Variants in C1orf198 observed in about 807,000 individuals in gnomAD.
C1orf198 encodes the protein uncharacterized protein C1orf198.
C1orf198 carries 17 observed loss-of-function variants against 31.4 expected under a neutral mutation model. The observed-to-expected ratio is 0.54, with a 90% CI of 0.37 to 0.81. The LOEUF (loss-of-function observed/expected upper bound fraction) is 0.81. Ranked by LOEUF, C1orf198 falls within the 40% of genes least tolerant of loss-of-function variation. The pLI is 0.00. For missense variants in C1orf198, 401 were observed against 450.3 expected, an observed-to-expected ratio of 0.89 and a Z score of 0.99; for synonymous variants, 175 against 193.8, an observed-to-expected ratio of 0.90 and a Z score of 0.81.
intron 1 of C1orf198, 78 bp downstream of exon 1, chr1:230,868,102 G>A: frequency 8.0e-7 from 1 of 1,256,804 alleles, no homozygotes; most frequent in African/African-American, 1.6e-5. Context: ...GCGGCCTCAC[G>A]CCGGCAGGTG....
chr1:230,853,700 C>A (rs1341784781), intron 2 of C1orf198, among the ~76,000 whole-genome samples: 1 of 152,168 alleles, frequency 6.6e-6, no homozygotes, highest in Admixed American at 6.5e-5. Context: ...AATGAAACTG[C>A]CAACTCTGAG....
intron 1 of C1orf198, among the ~76,000 whole-genome samples, chr1:230,864,512 A>T (rs1670069619): frequency 6.6e-6 from 1 of 152,198 alleles, no homozygotes; most frequent in South Asian, 2.1e-4. Context: ...AAGGCACTGG[A>T]GGGACACGGC....
chr1:230,841,061 G>T (rs1669426110), intron 3 of C1orf198, among the ~76,000 whole-genome samples: 1 of 152,208 alleles, frequency 6.6e-6, no homozygotes, highest in Non-Finnish European at 1.5e-5. Flanking sequence ...CTATTTTATG[G>T]AAATACTTCT....
intron 1 of C1orf198, among the ~76,000 whole-genome samples, chr1:230,858,150 A>C (rs1210341858): frequency 6.6e-6 from 1 of 152,198 alleles, no homozygotes; most frequent in Non-Finnish European, 1.5e-5. Context: ...GATGTCTCCT[A>C]GCAGAGGCAG....
At chr1:230,862,868 C>T (rs1210862787) in intron 1 of C1orf198, among the ~76,000 whole-genome samples, 2 of 152,120 alleles carry the variant, frequency 1.3e-5, no homozygotes, top group East Asian at 1.9e-4. Flanking sequence ...TGGGTGGTAA[C>T]GACGTGTCCA....
In C1orf198 at chr1:230,843,682, C is replaced by T; in HGVS notation, c.599G>A (p.Gly200Glu). The T allele has an allele frequency of 1.2e-6, 2 of 1,614,136 alleles. No individual in the cohort carries two copies. The highest frequency in any genetic ancestry group is 1.1e-5 in the South Asian group (1 of 91,084). Residue 200 changes from glycine (G) to glutamate (E), a missense_variant, in exon 3 of 4, where the codon GGG becomes GAG. Gly to Glu is a moderately conservative substitution (Grantham distance 98). Transcript: ENST00000366663. This position sits in a 1 kb window ranked among gnomAD's most constrained non-coding sequence, Gnocchi z 4.9. Reference protein sequence around the residue: ...FWKINAERSRGEGPEAEFQSL... With the variant: ...FWKINAERSREEGPEAEFQSL... ...CTGGAACTCGGCCTCAGGCCCCTCC[C>T]CTCGGGACCGCTCAGCATTGATCTT...
Position 230,843,419 on chromosome 1 carries a change from G to A in C1orf198, c.862C>T (p.Pro288Ser), listed in dbSNP as rs370439547. The change falls in exon 3 of 4, where the codon CCA becomes TCA. Residue 288 changes from proline (P) to serine (S), a missense_variant. Coordinates refer to ENST00000366663, the MANE Select transcript of C1orf198 (RefSeq NM_032800.3). This position sits in a 1 kb window ranked among gnomAD's most constrained non-coding sequence, Gnocchi z 4.9. ...AAPSQLEGKL[P>S]SPDVRQDDGE... ...TCGTCCTGCCTGACATCAGGAGATGGCAGCTTCCCCTCGAGCTGGGAGGGG... is the reference window on the plus strand; with the variant it reads ...TCGTCCTGCCTGACATCAGGAGATGACAGCTTCCCCTCGAGCTGGGAGGGG... 1.9e-6 allele frequency: 3 copies of A among 1,577,930 alleles called. No individual in the cohort carries two copies. The highest frequency in any genetic ancestry group is 1.4e-5 in the African/African-American group (1 of 73,960).
chr1:230,868,502 A>T lies in C1orf198; in HGVS notation c.11T>A (p.Met4Lys), dbSNP rs1408952796. Residue 4 changes from methionine to lysine, a missense_variant, in exon 1 of 4, where the codon ATG becomes AAG. Met to Lys is a moderately conservative substitution (Grantham distance 95). Coordinates refer to ENST00000366663, the MANE Select transcript of C1orf198 (RefSeq NM_032800.3). The stretch of plus-strand genomic sequence containing the variant: ...GCGCGAAGCCGCGATCGCCGCCGCC[A>T]TGGACGCCATGCCCGGCCTGCCCGC... MASMAAAIAASRSA... is the reference protein window; with the variant it reads MASKAAAIAASRSA... 1.4e-6 allele frequency: 2 copies of T among 1,446,318 alleles called. No homozygotes were observed. Among genetic ancestry groups the T allele is most frequent in the Non-Finnish European group, 1.8e-6 (2 of 1,088,614 alleles). 89.6% of individuals were successfully genotyped at this position (1,446,318 alleles called of 1,614,324 possible).
Position 230,840,470 on chromosome 1 carries a change from G to A in C1orf198, c.928-562C>T, listed in dbSNP as rs1669411553. ...TCCTCTTGCCTCGGCCTCCCACGTA[G>A]CTGGGACTACAGGCATGCACCAGGC... is the stretch of plus-strand genomic sequence containing the variant. On this transcript the variant is annotated intron_variant, in intron 3 of 3. Coordinates refer to ENST00000366663, the MANE Select transcript of C1orf198 (RefSeq NM_032800.3). The surrounding 1 kb of genome is among the most constrained non-coding windows in gnomAD (Gnocchi z 4.0). Among the ~76,000 whole-genome samples the A allele has an allele frequency of 6.6e-6, 1 of 152,216 alleles. No homozygotes were observed. The highest frequency in any genetic ancestry group is 6.5e-5 in the Admixed American group (1 of 15,286).
rs1669340436 is a variant in C1orf198, at chr1:230,837,831, C to G, written c.*2021G>C. 6.6e-6 allele frequency: 1 copy of G among 152,206 alleles called. No homozygotes were observed. Among genetic ancestry groups the G allele is most frequent in the Non-Finnish European group, 1.5e-5 (1 of 68,038 alleles). The allele number at this position is 152,206 out of a possible 1,614,324, so 9.4% of individuals were successfully genotyped here. A position where few individuals can be genotyped will look rare whatever the true frequency, so the allele number is the denominator to read the frequency against. ...GCTGGGTGCTGGGCCCCAGACGATA[C>G]TAAGTGAGGCAGAAGCTTTCAATAA... On this transcript the variant is annotated 3_prime_UTR_variant, in exon 4 of 4. Transcript: ENST00000366663.
chr1:230,864,500 T>C (rs569384951), intron 1 of C1orf198, among the ~76,000 whole-genome samples: 1 of 152,248 alleles, frequency 6.6e-6, no homozygotes, highest in South Asian at 2.1e-4. Context: ...GGAGCAGAGA[T>C]GAAGGCACTG....
intron 2 of C1orf198, among the ~76,000 whole-genome samples, chr1:230,854,371 A>T (rs1669818107): frequency 1.3e-5 from 2 of 152,190 alleles, no homozygotes; most frequent in South Asian, 4.1e-4. Flanking sequence ...CAATGTAATG[A>T]TGCACTTTTT....
intron 2 of C1orf198, among the ~76,000 whole-genome samples, chr1:230,844,555 C>A (rs1278882247): frequency 6.6e-6 from 1 of 152,210 alleles, no homozygotes; most frequent in Non-Finnish European, 1.5e-5. Flanking sequence ...CCCTCATGCA[C>A]TATGCTACAT....
intron 2 of C1orf198, among the ~76,000 whole-genome samples, chr1:230,848,648 G>A (rs955042704): frequency 6.6e-6 from 1 of 152,082 alleles, no homozygotes; most frequent in Admixed American, 6.5e-5. Context: ...AATATCACAT[G>A]TACCCTATCA....
At position 230,843,175 on chromosome 1, in the gene C1orf198, T is replaced by C. The variant is rs957040553; in HGVS notation, c.927+179A>G. 2.6e-5 allele frequency among the ~76,000 whole-genome samples: 4 copies of C among 152,096 alleles called. No individual in the cohort carries two copies. Among genetic ancestry groups the C allele is most frequent in the Admixed American group, 1.3e-4 (2 of 15,272 alleles). On this transcript the variant is annotated intron_variant, in intron 3 of 3. Coordinates refer to ENST00000366663, the MANE Select transcript of C1orf198 (RefSeq NM_032800.3). The surrounding 1 kb of genome is among the most constrained non-coding windows in gnomAD (Gnocchi z 4.9). ...AGATGGACTCGCAAAACTTGTCTTGTTGCATATTTGTTGGTGGCTCAGCAC... is the reference window on the plus strand; with the variant it reads ...AGATGGACTCGCAAAACTTGTCTTGCTGCATATTTGTTGGTGGCTCAGCAC...
chr1:230,847,568 A>G (rs1572130171), intron 2 of C1orf198, among the ~76,000 whole-genome samples: 1 of 152,328 alleles, frequency 6.6e-6, no homozygotes, highest in African/African-American at 2.4e-5. Context: ...GGTGGCCACC[A>G]GGTATGACAT....
rs913820609 is a variant in C1orf198 at position 230,840,239 on chromosome 1, T to A, written c.928-331A>T. Among the ~76,000 whole-genome samples the A allele has an allele frequency of 6.6e-6, 1 of 152,202 alleles. No individual in the cohort carries two copies. Among genetic ancestry groups the A allele is most frequent in the Non-Finnish European group, 1.5e-5 (1 of 68,038 alleles). On this transcript the variant is annotated intron_variant, in intron 3 of 3. Coordinates refer to ENST00000366663, the MANE Select transcript of C1orf198 (RefSeq NM_032800.3). This position sits in a 1 kb window ranked among gnomAD's most constrained non-coding sequence, Gnocchi z 4.0. ...TGAATGACAGCCATGTTTAAATTTA[T>A]TCATCCTAAATAAGAGAACAAATGA...
At chr1:230,842,662 G>T (rs1669473822) in intron 3 of C1orf198, among the ~76,000 whole-genome samples, 1 of 151,658 alleles carries the variant, frequency 6.6e-6, no homozygotes, top group African/African-American at 2.4e-5. Context: ...GGTGATGGGT[G>T]CACCAAAATC....
intron 2 of C1orf198, among the ~76,000 whole-genome samples, chr1:230,852,970 C>T (rs1477258133): frequency 1.3e-5 from 2 of 152,190 alleles, no homozygotes; most frequent in Admixed American, 6.5e-5. Context: ...TCGTAGGCTT[C>T]CGTTCCCGCA....
Sources: allele counts gnomAD v4.1 joint callset (sites outside exome capture counted in the v4.1 genomes callset), GRCh38; gene constraint gnomAD v4.1.1; non-coding constraint Gnocchi (gnomAD v3.1); transcripts MANE v1.5; gene names NCBI Gene and HGNC (gene_info 2026-07-23, HGNC 2026-07-21).